Variants in TAFA4 observed in about 807,000 individuals in gnomAD.
TAFA4 encodes the protein TAFA chemokine like family member 4.
In TAFA4, 20 loss-of-function variants were observed where a neutral mutation model predicts 21.1. The ratio of observed to expected loss-of-function variants is 0.95; its 90% CI spans 0.67 to 1.38. TAFA4 has a LOEUF of 1.38. TAFA4 is among the 40% of genes most tolerant of loss of function. The probability of loss-of-function intolerance (pLI) is 0.00; values close to 1 mark genes in which losing one functional copy is unlikely to be tolerated. For missense variants in TAFA4, 211 were observed against 180.9 expected, an observed-to-expected ratio of 1.17 and a Z score of -0.95; for synonymous variants, 71 against 67.4, an observed-to-expected ratio of 1.05 and a Z score of -0.26.
chr3:68,813,037 A>C (rs956683241), intron 3 of TAFA4, among the ~76,000 whole-genome samples: 1 of 152,176 alleles, frequency 6.6e-6, no homozygotes, highest in Non-Finnish European at 1.5e-5. Context: ...AAAACCGCTC[A>C]ACTACATGGA....
At chr3:68,745,408 T>G (rs1702439333) in intron 4 of TAFA4, among the ~76,000 whole-genome samples, 1 of 152,234 alleles carries the variant, frequency 6.6e-6, no homozygotes, top group African/African-American at 2.4e-5. Context: ...GTCTTGTCAC[T>G]TCTATTTTTA....
intron 1 of TAFA4, among the ~76,000 whole-genome samples, chr3:68,931,550 G>A (rs545441686): frequency 3.9e-5 from 6 of 152,296 alleles, no homozygotes; most frequent in Admixed American, 1.3e-4. Flanking sequence ...TCTCTTCTAG[G>A]AGCGGATTAA....
At chr3:68,920,639 A>T (rs1023461260) in intron 1 of TAFA4, among the ~76,000 whole-genome samples, 2 of 130,234 alleles carry the variant, frequency 1.5e-5, no homozygotes, top group Non-Finnish European at 3.2e-5. Context: ...TTTTTCTCTA[A>T]TTTTTTTTTT....
chr3:68,853,225 T>A (rs1165957733), intron 3 of TAFA4, among the ~76,000 whole-genome samples: 1 of 143,114 alleles, frequency 7.0e-6, no homozygotes, highest in Non-Finnish European at 1.5e-5. Context: ...TACTATAGAG[T>A]TAAGGAAAAA....
intron 3 of TAFA4, among the ~76,000 whole-genome samples, chr3:68,760,840 G>T (rs766666341): frequency 1.3e-4 from 20 of 152,154 alleles, no homozygotes; most frequent in Non-Finnish European, 2.2e-4. Flanking sequence ...TGTAGAAGAC[G>T]ATAGTAGCCA....
chr3:68,891,452 A>G lies in TAFA4; in HGVS notation c.-122-6142T>C, dbSNP rs116007160. On this transcript the variant is annotated intron_variant, in intron 1 of 5. Coordinates refer to ENST00000295569, the MANE Select transcript of TAFA4 (RefSeq NM_182522.5). ...GGTTTGGATAATTAGCTATTTCCAG[A>G]CTCACCATCAGTTCATCTCTGACCT... 5.9e-3 allele frequency among the ~76,000 whole-genome samples: 899 copies of G among 152,176 alleles called. 5 individuals are homozygous for G. The highest frequency in any genetic ancestry group is 0.021 in the African/African-American group (868 of 41,508).
rs1227031545 is a variant in TAFA4, at chr3:68,789,103, G to A, written c.131-36085C>T. On this transcript the variant is annotated intron_variant, in intron 3 of 5. Transcript: ENST00000295569. ...AAAAAATTAGCCAGGCATGGTGGCA[G>A]GTGCCTAGTCCCAGCTACTAGGGGG... Among the ~76,000 whole-genome samples the A allele has an allele frequency of 2.0e-5, 3 of 152,026 alleles. No individual in the cohort carries two copies. In the South Asian group the frequency reaches 6.2e-4, roughly 32 times the overall value.
At chr3:68,903,083 T>A (rs2089860195) in intron 1 of TAFA4, among the ~76,000 whole-genome samples, 1 of 152,156 alleles carries the variant, frequency 6.6e-6, no homozygotes, top group African/African-American at 2.4e-5. Flanking sequence ...CATTTATCTG[T>A]CCTGTAACAA....
chr3:68,877,100 T>C (rs1167213953), intron 3 of TAFA4, among the ~76,000 whole-genome samples: 3 of 152,138 alleles, frequency 2.0e-5, no homozygotes, highest in Non-Finnish European at 4.4e-5. Context: ...GTCTCAGGCC[T>C]GTAATCCCAG....
chr3:68,932,392 T>A lies in TAFA4; in HGVS notation c.-275A>T, dbSNP rs2090167326. On this transcript the variant is annotated 5_prime_UTR_variant, in exon 1 of 6. Transcript: ENST00000295569. ...GCAGCCTCGCCAGGAGAAGAAAAGT[T>A]CCCACGTCTCTACCAGGAGAAGCCC... 1 of 152,290 alleles carries A rather than the reference T, an allele frequency of 6.6e-6. No individual in the cohort carries two copies. The highest frequency in any genetic ancestry group is 1.5e-5 in the Non-Finnish European group (1 of 68,106). 9.4% of individuals were successfully genotyped at this position (152,290 alleles called of 1,614,324 possible).
chr3:68,812,973 G>A (rs887488485), intron 3 of TAFA4, among the ~76,000 whole-genome samples: 1 of 152,092 alleles, frequency 6.6e-6, no homozygotes, highest in African/African-American at 2.4e-5. Flanking sequence ...ATAACAAACT[G>A]TCTCTCAGAC....
At chr3:68,844,292 A>G (rs1252367488) in intron 3 of TAFA4, among the ~76,000 whole-genome samples, 2 of 151,980 alleles carry the variant, frequency 1.3e-5, no homozygotes, top group Admixed American at 6.6e-5. Flanking sequence ...TAGATTTTCT[A>G]GTTTATTTGC....
chr3:68,771,618 C>A (rs936596999), intron 3 of TAFA4, among the ~76,000 whole-genome samples: 1 of 151,974 alleles, frequency 6.6e-6, no homozygotes, highest in Non-Finnish European at 1.5e-5. Flanking sequence ...TCAAAAGTAC[C>A]ACCCCTCCAA....
At chr3:68,739,001 C>A in intron 5 of TAFA4, 74 bp downstream of exon 5, 1 of 1,581,612 alleles carries the variant, frequency 6.3e-7, no homozygotes. Context: ...TTCTTGATGG[C>A]AGAATAAAAT....
chr3:68,865,261 T>G (rs2089400706), intron 3 of TAFA4, among the ~76,000 whole-genome samples: 1 of 148,220 alleles, frequency 6.7e-6, no homozygotes, highest in South Asian at 2.1e-4. Flanking sequence ...CCACAATTTA[T>G]TTTTTTTTTA....
In TAFA4 at chr3:68,732,817, A is replaced by G; in HGVS notation, c.*325T>C. 1 of 311,422 alleles carries G rather than the reference A, an allele frequency of 3.2e-6. No individual in the cohort carries two copies. The highest frequency in any genetic ancestry group is 5.9e-6 in the Non-Finnish European group (1 of 170,480). 19.3% of individuals were successfully genotyped at this position (311,422 alleles called of 1,614,324 possible). A position where few individuals can be genotyped will look rare whatever the true frequency, so the allele number is the denominator to read the frequency against. On this transcript the variant is annotated 3_prime_UTR_variant, in exon 6 of 6. Transcript: ENST00000295569. ...CAAGTTCTTTTGTAAAAGCAGAAAGAAAGTGAAGAATGAACATGCCCTTAG... is the reference window on the plus strand; with the variant it reads ...CAAGTTCTTTTGTAAAAGCAGAAAGGAAGTGAAGAATGAACATGCCCTTAG...
chr3:68,851,628 T>C (rs941730641), intron 3 of TAFA4, among the ~76,000 whole-genome samples: 2 of 152,112 alleles, frequency 1.3e-5, no homozygotes, highest in Admixed American at 6.5e-5. Flanking sequence ...GCTAGGCAAA[T>C]ATTACCATCT....
chr3:68,876,958 T>C (rs145262531), intron 3 of TAFA4, among the ~76,000 whole-genome samples: 16 of 152,264 alleles, frequency 1.1e-4, no homozygotes, highest in African/African-American at 3.4e-4. Flanking sequence ...TCATTTTACA[T>C]AGAAAGAGGC....
chr3:68,748,737 C>A (rs1702507133), intron 4 of TAFA4, among the ~76,000 whole-genome samples: 1 of 149,322 alleles, frequency 6.7e-6, no homozygotes, highest in South Asian at 2.1e-4. Flanking sequence ...AAGCGAGACT[C>A]CGTCTCAAAA....
Sources: allele counts gnomAD v4.1 joint callset (sites outside exome capture counted in the v4.1 genomes callset), GRCh38; gene constraint gnomAD v4.1.1; transcripts MANE v1.5; gene names NCBI Gene and HGNC (gene_info 2026-07-23, HGNC 2026-07-21).